The following DTWD2 variants were observed in gnomAD, a reference collection of about 807,000 sequenced individuals.
The protein encoded by DTWD2 is tRNA-uridine aminocarboxypropyltransferase 2.
A neutral mutation model predicts 31.8 loss-of-function variants in DTWD2; 39 were observed. The observed-to-expected ratio is 1.22, with a 90% CI of 0.95 to 1.60. The LOEUF (loss-of-function observed/expected upper bound fraction) is 1.60, where lower values mean the gene tolerates loss of function less well. DTWD2 is among the 40% of genes most tolerant of loss of function. DTWD2 has a pLI of 0.00. For missense variants in DTWD2, 515 were observed against 381.5 expected (o/e 1.35, Z -2.92); for synonymous variants, 180 against 142.8 (o/e 1.26, Z -1.86).
intron 4 of DTWD2, among the ~76,000 whole-genome samples, chr5:118,852,372 G>A (rs1390950268): frequency 1.3e-5 from 2 of 152,152 alleles, no homozygotes; most frequent in South Asian, 2.1e-4. Flanking sequence ...ATTAAAGTAA[G>A]ACAGGTGTAA....
At chr5:118,969,142 T>A (rs1400206333) in intron 1 of DTWD2, among the ~76,000 whole-genome samples, 1 of 151,208 alleles carries the variant, frequency 6.6e-6, no homozygotes, top group African/African-American at 2.4e-5. Context: ...TAGCCTGAGT[T>A]ATATGAACAG....
intron 4 of DTWD2, among the ~76,000 whole-genome samples, chr5:118,903,524 T>C (rs1753262765): frequency 6.6e-6 from 1 of 152,028 alleles, no homozygotes; most frequent in South Asian, 2.1e-4. Flanking sequence ...TAAATTATGC[T>C]TGAAGCTGGC....
intron 1 of DTWD2, among the ~76,000 whole-genome samples, chr5:118,955,384 T>C (rs547274035): frequency 1.3e-5 from 2 of 152,368 alleles, no homozygotes; most frequent in East Asian, 1.9e-4. Context: ...GGTGATTAGC[T>C]GACCAACTGT....
chr5:118,912,691 C>T (rs1340104391), intron 4 of DTWD2, among the ~76,000 whole-genome samples: 1 of 152,154 alleles, frequency 6.6e-6, no homozygotes, highest in Non-Finnish European at 1.5e-5. Context: ...CATCTCAGTC[C>T]CCTGCTGCTT....
At chr5:118,941,627 T>C (rs1414149716) in intron 2 of DTWD2, among the ~76,000 whole-genome samples, 3 of 152,206 alleles carry the variant, frequency 2.0e-5, no homozygotes, top group East Asian at 1.9e-4. Context: ...TGAGTAGTGC[T>C]GCAATAAACA....
chr5:118,845,967 A>T (rs1238129426), intron 5 of DTWD2, among the ~76,000 whole-genome samples: 1 of 152,202 alleles, frequency 6.6e-6, no homozygotes, highest in Non-Finnish European at 1.5e-5. Flanking sequence ...AATAGAAGTA[A>T]TGAAAGAATG....
intron 1 of DTWD2, among the ~76,000 whole-genome samples, chr5:118,979,334 T>C (rs1755240266): frequency 6.6e-6 from 1 of 151,746 alleles, no homozygotes. Context: ...TAATAAAAAA[T>C]AAATAAAAGG....
chr5:118,854,821 T>A (rs954697332), intron 4 of DTWD2, among the ~76,000 whole-genome samples: 6 of 152,200 alleles, frequency 3.9e-5, no homozygotes, highest in Non-Finnish European at 7.3e-5. Flanking sequence ...TATATAAAGT[T>A]ATACTTTCTT....
rs115960325 is a variant in DTWD2 at position 118,956,573 on chromosome 5, T to C, written c.219-11924A>G. ...GATGCTAGGACCTACAAAAAAATCT[T>C]TCAAAGCTTTAATTAAATTTCTTAT... On this transcript the variant is annotated intron_variant, in intron 1 of 5. Coordinates refer to ENST00000510708, the MANE Select transcript of DTWD2 (RefSeq NM_173666.4). 3.6e-3 allele frequency among the ~76,000 whole-genome samples: 552 copies of C among 152,324 alleles called. 5 individuals carry two copies. The highest frequency in any genetic ancestry group is 0.013 in the African/African-American group (520 of 41,570).
intron 1 of DTWD2, among the ~76,000 whole-genome samples, chr5:118,965,110 G>GCTCACTGAGAACGGGCCAT: frequency 2.0e-5 from 3 of 148,702 alleles, no homozygotes; most frequent in Admixed American, 1.3e-4. Context: ...TGGGAGGTGA[G>GCTCACTGAGAACGGGCCAT]GAGCGTCTCT....
At chr5:118,900,881 C>G (rs1040519423) in intron 4 of DTWD2, among the ~76,000 whole-genome samples, 2 of 151,000 alleles carry the variant, frequency 1.3e-5, no homozygotes, top group Admixed American at 1.3e-4. Context: ...CCCGAGATCA[C>G]GCCACTGCCC....
chr5:118,872,023 C>T (rs61214571), intron 4 of DTWD2, among the ~76,000 whole-genome samples: 3,914 of 152,296 alleles, frequency 0.026, 166 homozygotes, highest in African/African-American at 0.084. Context: ...ATTCACCTTG[C>T]ACTTTTTTGT....
rs68175368 is a variant in DTWD2 at position 118,856,764 on chromosome 5, C to CTTTTTT, written c.598-8552_598-8547dup. On this transcript the variant is annotated intron_variant, in intron 4 of 5. Transcript: ENST00000510708. ...TTTACCTTCACTCCATTGAGGCTTA[C>CTTTTTT]TTTTTTTTTTTTTTTTTTTTTTTTG... Among the ~76,000 whole-genome samples, 210 of 44,328 alleles carry CTTTTTT rather than the reference C, an allele frequency of 4.7e-3. 3 individuals are homozygous for CTTTTTT. The highest frequency in any genetic ancestry group is 6.0e-3 in the East Asian group (8 of 1,330). The allele number at this position is 44,328 out of a possible 152,430, so 29.1% of individuals were successfully genotyped here.
chr5:118,915,823 G>C (rs1355751556), intron 4 of DTWD2, among the ~76,000 whole-genome samples: 1 of 152,170 alleles, frequency 6.6e-6, no homozygotes, highest in Non-Finnish European at 1.5e-5. Context: ...TCAGGATCTA[G>C]TCCTCTGGTT....
chr5:118,909,039 CTCCCTGACCCGAGT>C (rs946672071), intron 4 of DTWD2, among the ~76,000 whole-genome samples: 1 of 152,192 alleles, frequency 6.6e-6, no homozygotes, highest in Non-Finnish European at 1.5e-5. Context: ...TACAAGGAAA[CTCCCTGACCCGAGT>C]TCCCTTCACA....
intron 2 of DTWD2, among the ~76,000 whole-genome samples, chr5:118,941,870 T>C (rs910641932): frequency 6.6e-6 from 1 of 152,220 alleles, no homozygotes; most frequent in Non-Finnish European, 1.5e-5. Flanking sequence ...TGATCGCCAT[T>C]CTAACTGGTG....
rs543662608 is a variant in DTWD2, at chr5:118,910,858, A to T, written c.597+17679T>A. Among the ~76,000 whole-genome samples, 12 of 152,288 alleles carry T rather than the reference A, an allele frequency of 7.9e-5. No homozygotes were observed. The East Asian group carries it at 2.3e-3, about 29-fold the overall frequency. On this transcript the variant is annotated intron_variant, in intron 4 of 5. Transcript: ENST00000510708. ...GTCTGGTAAGGGCTTGCTTCTCAGAAATGGCACCTTCTATGTGCTCTCAAA... is the reference window on the plus strand; with the variant it reads ...GTCTGGTAAGGGCTTGCTTCTCAGATATGGCACCTTCTATGTGCTCTCAAA...
At chr5:118,951,692 G>A (rs914856935) in intron 1 of DTWD2, among the ~76,000 whole-genome samples, 18 of 151,986 alleles carry the variant, frequency 1.2e-4, no homozygotes, top group Non-Finnish European at 2.2e-4. Context: ...TAAGGGAGAA[G>A]AAGGAGGAAT....
chr5:118,939,127 C>G (rs1459889371), intron 3 of DTWD2, 69 bp downstream of exon 3: 4 of 1,441,902 alleles, frequency 2.8e-6, no homozygotes, highest in Non-Finnish European at 3.7e-6. Context: ...AAGAAATAAG[C>G]TGAAAGAAAC....
Sources: gnomAD v4.1 joint callset for allele counts (sites outside exome capture counted in the v4.1 genomes callset) on GRCh38, gnomAD v4.1.1 for gene constraint, MANE v1.5 for transcripts, NCBI Gene and HGNC (gene_info 2026-07-23, HGNC 2026-07-21) for gene names.